WDR20: variants seen among roughly 807,000 people sequenced by gnomAD.
WDR20 encodes WD repeat domain 20.
A neutral mutation model predicts 38.7 loss-of-function variants in WDR20; 3 were observed. The ratio of observed to expected loss-of-function variants is 0.08; its 90% confidence interval spans 0.04 to 0.20. The LOEUF (loss-of-function observed/expected upper bound fraction) is 0.20. WDR20 is among the 10% of genes least tolerant of loss of function. The pLI is 1.00. For synonymous variants in WDR20, 298 were observed against 285.6 expected (o/e 1.04, Z -0.44); for missense variants, 559 against 727.7 (o/e 0.77, Z 2.67).
At chr14:102,215,398 G>C (rs116045893), downstream of WDR20, among the ~76,000 whole-genome samples, 703 of 152,264 alleles carry the variant, frequency 4.6e-3, 6 homozygotes, top group African/African-American at 0.016. Context: ...CCGACATTCT[G>C]TCCAGCCACC....
intron 2 of WDR20, among the ~76,000 whole-genome samples, chr14:102,199,819 C>T (rs372086231): frequency 2.0e-5 from 3 of 152,184 alleles, no homozygotes; most frequent in African/African-American, 4.8e-5. Context: ...GATTTTCCCC[C>T]TGTCAATTAA....
At chr14:102,178,729 GCTCA>G (rs932386113) in intron 1 of WDR20, among the ~76,000 whole-genome samples, 1 of 151,762 alleles carries the variant, frequency 6.6e-6, no homozygotes, top group Non-Finnish European at 1.5e-5. Context: ...CGAAAACTCA[GCTCA>G]CTGACTATTT....
chr14:102,160,297 C>A (rs1433207975), intron 1 of WDR20, among the ~76,000 whole-genome samples: 2 of 152,138 alleles, frequency 1.3e-5, no homozygotes, highest in Non-Finnish European at 2.9e-5. Flanking sequence ...ATGGTTGCAG[C>A]ATATAGAACA....
intron 1 of WDR20, among the ~76,000 whole-genome samples, chr14:102,183,198 C>T (rs1193949469): frequency 6.6e-6 from 1 of 152,220 alleles, no homozygotes; most frequent in East Asian, 1.9e-4. Context: ...TGCTGTTGAA[C>T]TTCCGATGAA....
At chr14:102,143,839 G>A (rs187404788) in intron 1 of WDR20, among the ~76,000 whole-genome samples, 19 of 150,988 alleles carry the variant, frequency 1.3e-4, no homozygotes, top group African/African-American at 1.9e-4. Context: ...CACTGCGCCC[G>A]GCCGTAAACA....
chr14:102,160,444 C>T (rs1229456315), intron 1 of WDR20, among the ~76,000 whole-genome samples: 2 of 151,984 alleles, frequency 1.3e-5, no homozygotes, highest in African/African-American at 2.4e-5. Context: ...AACATTTGAG[C>T]AGAGATGGGA....
At chr14:102,196,128 C>G (rs1596654614) in intron 2 of WDR20, among the ~76,000 whole-genome samples, 1 of 152,116 alleles carries the variant, frequency 6.6e-6, no homozygotes, top group Non-Finnish European at 1.5e-5. Flanking sequence ...AATTTGGATT[C>G]TTTTGCAGTT....
rs980624301 is a variant in WDR20, at chr14:102,221,932, G to A, written c.1693-898G>A. ...GGGGCTGCACTGTCGCCATCTTAAT[G>A]TTCTTCATAAATGAACGCCACACTT... On this transcript the variant is annotated intron_variant, in intron 3 of 3. Coordinates refer to the WDR20 transcript ENST00000335263. This position sits in a 1 kb window ranked among gnomAD's most constrained non-coding sequence, Gnocchi z 4.8. Among the ~76,000 whole-genome samples, 1 of 152,182 alleles carries A rather than the reference G, an allele frequency of 6.6e-6. No homozygotes were observed. The highest frequency in any genetic ancestry group is 1.5e-5 in the Non-Finnish European group (1 of 68,032).
chr14:102,211,375 G>T (rs948833077), downstream of WDR20, among the ~76,000 whole-genome samples: 1 of 151,894 alleles, frequency 6.6e-6, no homozygotes, highest in Admixed American at 6.6e-5. This position sits in a 1 kb window ranked among gnomAD's most constrained non-coding sequence, Gnocchi z 4.2. Flanking sequence ...TGCTCTTAAC[G>T]CAGCCCTCCC....
intron 1 of WDR20, among the ~76,000 whole-genome samples, chr14:102,164,254 C>A (rs2059342596): frequency 6.6e-6 from 1 of 152,178 alleles, no homozygotes; most frequent in Non-Finnish European, 1.5e-5. Context: ...ACTTCCCAGC[C>A]ACTTTTAATC....
chr14:102,156,808 C>T (rs1230486921), intron 1 of WDR20, among the ~76,000 whole-genome samples: 2 of 151,852 alleles, frequency 1.3e-5, no homozygotes, highest in Non-Finnish European at 2.9e-5. Context: ...CCAGCCTGAC[C>T]AACATGGTGA....
At chr14:102,141,854 C>T (rs989636041) in intron 1 of WDR20, among the ~76,000 whole-genome samples, 2 of 151,954 alleles carry the variant, frequency 1.3e-5, no homozygotes, top group African/African-American at 2.4e-5. Flanking sequence ...TATAAAAATA[C>T]GATGTGCTTA....
intron 2 of WDR20, among the ~76,000 whole-genome samples, chr14:102,205,804 GTTT>G (rs75426082): frequency 7.1e-6 from 1 of 140,164 alleles, no homozygotes. Flanking sequence ...TCCAAGGTCG[GTTT>G]TTTTTTTTTT....
intron 1 of WDR20, among the ~76,000 whole-genome samples, chr14:102,154,737 A>G (rs573635454): frequency 6.6e-6 from 1 of 152,300 alleles, no homozygotes; most frequent in East Asian, 1.9e-4. Context: ...GAATGAATAA[A>G]TGAGTGTATA....
At chr14:102,171,919 T>A (rs1396971579) in intron 1 of WDR20, among the ~76,000 whole-genome samples, 5 of 149,862 alleles carry the variant, frequency 3.3e-5, no homozygotes, top group Middle Eastern at 3.4e-3. Context: ...TTTTTTTTTT[T>A]AATTTTTATT....
intron 1 of WDR20, chr14:102,171,420 T>G (rs575219488): frequency 1.3e-5 from 2 of 151,782 alleles, no homozygotes; most frequent in African/African-American, 4.8e-5. Flanking sequence ...TGAGCCACAC[T>G]GTTGGCCTCT....
At chr14:102,165,636 C>A (rs1006509841) in intron 1 of WDR20, among the ~76,000 whole-genome samples, 1 of 129,384 alleles carries the variant, frequency 7.7e-6, no homozygotes, top group Non-Finnish European at 1.7e-5. Flanking sequence ...CTTTTCTTTT[C>A]TTTTTTTTTT....
At chr14:102,213,660 A>G, downstream of WDR20, 1 of 985,502 alleles carries the variant, frequency 1.0e-6, no homozygotes, top group African/African-American at 1.7e-5. Context: ...GCACGTGGCC[A>G]GGCAGCCATT....
At chr14:102,160,947 CAAAA>C (rs57488628) in intron 1 of WDR20, among the ~76,000 whole-genome samples, 2 of 54,626 alleles carry the variant, frequency 3.7e-5, no homozygotes, top group Middle Eastern at 0.012. Flanking sequence ...GACTCTGTCT[CAAAA>C]AAAAAAAAAA....
Sources: gnomAD v4.1 joint callset for allele counts (sites outside exome capture counted in the v4.1 genomes callset) on GRCh38, gnomAD v4.1.1 for gene constraint, Gnocchi (gnomAD v3.1) non-coding constraint, MANE v1.5 for transcripts, NCBI Gene and HGNC (gene_info 2026-07-23, HGNC 2026-07-21) for gene names.